Variants in NCALD observed in about 807,000 individuals in gnomAD.
NCALD encodes neurocalcin delta.
In NCALD, 10 loss-of-function variants were observed where a neutral mutation model predicts 18.6. The observed-to-expected ratio is 0.54, with a 90% CI of 0.33 to 0.91. The LOEUF is 0.91. NCALD is among the 40% of genes least tolerant of loss of function. The pLI is 0.03. For synonymous variants in NCALD, 88 were observed against 87.4 expected, an observed-to-expected ratio of 1.01 and a Z score of -0.04; for missense variants, 184 against 247.6, an observed-to-expected ratio of 0.74 and a Z score of 1.72.
At chr8:102,021,799 G>A (rs181111167) in intron 1 of NCALD, among the ~76,000 whole-genome samples, 4 of 152,270 alleles carry the variant, frequency 2.6e-5, no homozygotes, top group East Asian at 1.9e-4. Context: ...GGCATGAGCC[G>A]TCACATTGAA....
At chr8:102,078,754 A>G (rs1278257473) in intron 1 of NCALD, among the ~76,000 whole-genome samples, 1 of 152,238 alleles carries the variant, frequency 6.6e-6, no homozygotes, top group Non-Finnish European at 1.5e-5. Context: ...TTAAAGCAGC[A>G]TGACATTCCC....
At chr8:101,870,903 C>CT (rs202185578) in intron 4 of NCALD, among the ~76,000 whole-genome samples, 1 of 82,612 alleles carries the variant, frequency 1.2e-5, no homozygotes, top group Non-Finnish European at 2.2e-5. Context: ...CCCCACCCCC[C>CT]CCCCCCAAAA....
chr8:101,910,555 G>A (rs1035023698), intron 3 of NCALD, among the ~76,000 whole-genome samples: 5 of 152,268 alleles, frequency 3.3e-5, no homozygotes, highest in East Asian at 1.9e-4. Flanking sequence ...TTTAATCACC[G>A]TAATACAGAA....
chr8:101,921,658 T>G (rs1446405414), intron 2 of NCALD, among the ~76,000 whole-genome samples: 1 of 152,218 alleles, frequency 6.6e-6, no homozygotes, highest in Admixed American at 6.5e-5. Context: ...AAGGACTTCA[T>G]GCAAGCTATT....
At chr8:101,824,062 C>T (rs893228317) in intron 4 of NCALD, among the ~76,000 whole-genome samples, 2 of 152,186 alleles carry the variant, frequency 1.3e-5, no homozygotes, top group Admixed American at 1.3e-4. Context: ...CTTCTATATC[C>T]AGTCAATTGT....
intron 4 of NCALD, among the ~76,000 whole-genome samples, chr8:101,816,968 C>CT (rs1813521381): frequency 6.6e-6 from 1 of 151,986 alleles, no homozygotes; most frequent in South Asian, 2.1e-4. Flanking sequence ...TAAAAAGTGT[C>CT]TTTAAAAAAA....
At chr8:101,979,752 A>T (rs1051400449) in intron 2 of NCALD, among the ~76,000 whole-genome samples, 1 of 152,252 alleles carries the variant, frequency 6.6e-6, no homozygotes, top group African/African-American at 2.4e-5. Flanking sequence ...ATTATAAAAC[A>T]GAGCAAGAGC....
intron 3 of NCALD, among the ~76,000 whole-genome samples, chr8:101,908,197 C>T (rs1817672817): frequency 6.6e-6 from 1 of 152,180 alleles, no homozygotes; most frequent in Non-Finnish European, 1.5e-5. Flanking sequence ...AACAAAAGCT[C>T]AGAGAAGTGT....
chr8:102,081,376 C>G (rs1205868029), intron 1 of NCALD, among the ~76,000 whole-genome samples: 1 of 151,916 alleles, frequency 6.6e-6, no homozygotes, highest in Non-Finnish European at 1.5e-5. Context: ...ATTTTGTTTT[C>G]ACTGTCTCAA....
At chr8:101,820,009 T>C (rs941115863) in intron 4 of NCALD, among the ~76,000 whole-genome samples, 2 of 152,226 alleles carry the variant, frequency 1.3e-5, no homozygotes, top group Non-Finnish European at 2.9e-5. Flanking sequence ...GTCTAACCAT[T>C]TTAAATTAGG....
chr8:101,780,344 G>T (rs2130949120), intron 1 of NCALD, among the ~76,000 whole-genome samples: 1 of 152,234 alleles, frequency 6.6e-6, no homozygotes, highest in South Asian at 2.1e-4. Context: ...TCCCAGTGTT[G>T]TAGGTCTAAA....
intron 2 of NCALD, among the ~76,000 whole-genome samples, chr8:101,980,139 T>C (rs73293347): frequency 0.019 from 2,865 of 152,210 alleles, 73 homozygotes; most frequent in African/African-American, 0.059. Flanking sequence ...ACAACAAAAG[T>C]AGTGCCTACA....
intron 2 of NCALD, among the ~76,000 whole-genome samples, chr8:101,711,245 C>T (rs1299607738): frequency 6.6e-6 from 1 of 151,964 alleles, no homozygotes; most frequent in Non-Finnish European, 1.5e-5. Flanking sequence ...GACAACCACA[C>T]AAAAAACTCC....
At chr8:101,843,583 T>TTTTTTTTTG (rs1554644306) in intron 4 of NCALD, among the ~76,000 whole-genome samples, 1 of 87,594 alleles carries the variant, frequency 1.1e-5, no homozygotes, top group African/African-American at 6.4e-5. Flanking sequence ...TTAAAAATTG[T>TTTTTTTTTG]TTTTTTTTTT....
intron 1 of NCALD, among the ~76,000 whole-genome samples, chr8:101,733,657 C>A (rs1816943647): frequency 6.6e-6 from 1 of 152,116 alleles, no homozygotes; most frequent in Admixed American, 6.5e-5. Flanking sequence ...GACATTCTCC[C>A]CATTGTTTTA....
chr8:101,692,474 C>T (rs1183402788), intron 3 of NCALD: 23 of 985,352 alleles, frequency 2.3e-5, no homozygotes, highest in Admixed American at 6.1e-5. Flanking sequence ...ATAGCCTAGG[C>T]CTGTCCCAAG....
At chr8:101,776,005 A>G (rs535121633) in intron 1 of NCALD, among the ~76,000 whole-genome samples, 1 of 152,272 alleles carries the variant, frequency 6.6e-6, no homozygotes, top group Non-Finnish European at 1.5e-5. Flanking sequence ...TGGGGATGTG[A>G]TGGGTACGCC....
At chr8:101,884,077 G>T (rs1221610260) in intron 4 of NCALD, among the ~76,000 whole-genome samples, 2 of 152,124 alleles carry the variant, frequency 1.3e-5, no homozygotes, top group Non-Finnish European at 2.9e-5. Flanking sequence ...TGCCCGCCTT[G>T]CTCTCCAGCA....
At chr8:101,821,828 A>ATC (rs1207133880) in intron 4 of NCALD, among the ~76,000 whole-genome samples, 2 of 150,466 alleles carry the variant, frequency 1.3e-5, no homozygotes, top group Non-Finnish European at 2.9e-5. Flanking sequence ...CACTTTGGCA[A>ATC]TCTACTCATA....
Sources: allele counts gnomAD v4.1 joint callset (sites outside exome capture counted in the v4.1 genomes callset), GRCh38; gene constraint gnomAD v4.1.1; transcripts MANE v1.5; gene names NCBI Gene and HGNC (gene_info 2026-07-23, HGNC 2026-07-21).